CHD9: variants seen among roughly 807,000 people sequenced by gnomAD.
CHD9 encodes the protein chromodomain helicase DNA binding protein 9.
CHD9 carries 77 observed loss-of-function variants against 316.1 expected under a neutral mutation model. The observed-to-expected ratio is 0.24, with a 90% CI of 0.20 to 0.29. The LOEUF is 0.29. Among genes scored for constraint, CHD9 ranks in the 10% least tolerant of loss-of-function variants. The pLI is 1.00. For synonymous variants in CHD9, 1,129 were observed against 1,158.3 expected, an observed-to-expected ratio of 0.97 and a Z score of 0.51; for missense variants, 2,763 against 3,438.1, an observed-to-expected ratio of 0.80 and a Z score of 4.91.
rs1213931527 is a variant in CHD9 at position 53,273,676 on chromosome 16, C to T, written c.4768C>T (p.Gln1590Ter). The T allele has an allele frequency of 6.2e-7, 1 of 1,612,946 alleles. No homozygotes were observed. Among genetic ancestry groups the T allele is most frequent in the Admixed American group, 1.7e-5 (1 of 59,952 alleles). The change falls in exon 23 of 39, where the codon CAA becomes TAA. Residue 1590 changes from glutamine (Q) to a stop codon, truncating the protein, a stop_gained. Coordinates refer to ENST00000447540, the MANE Select transcript of CHD9 (RefSeq NM_001308319.2). LOFTEE classifies it high-confidence loss of function. ...RGRKGKKVKT[Q>*]TSSFDIQKAE... ...TCGAAAAGGGAAGAAAGTAAAAACT[C>T]AAACAAGCTCATTTGATATACAAAA...
rs58991789 is a variant in CHD9 at position 53,156,489 on chromosome 16, T to C, written c.400T>C (p.Ser134Pro). 1 of 1,613,978 alleles carries C rather than the reference T, an allele frequency of 6.2e-7. No homozygotes were observed. Among genetic ancestry groups the C allele is most frequent in the African/African-American group, 1.3e-5 (1 of 75,036 alleles). Residue 134 changes from serine (S) to proline (P), a missense_variant, in exon 2 of 39, where the codon TCA becomes CCA. By Grantham distance (74) the Ser-to-Pro change is moderately conservative (BLOSUM62 -1). Coordinates refer to ENST00000447540, the MANE Select transcript of CHD9 (RefSeq NM_001308319.2). ...MWGHQTATTI[S>P]NQNGSPFHQQ... ...GGGCCATCAGACAGCTACTACCATT[T>C]CAAATCAAAATGGATCTCCTTTTCA...
At chr16:53,181,889 G>C (rs900635292) in intron 2 of CHD9, among the ~76,000 whole-genome samples, 2 of 152,102 alleles carry the variant, frequency 1.3e-5, no homozygotes, top group African/African-American at 4.8e-5. Flanking sequence ...AGACCAGCCT[G>C]GCCAACATGG....
At chr16:53,204,046 A>ATATAT (rs1442183873) in intron 2 of CHD9, among the ~76,000 whole-genome samples, 71 of 89,898 alleles carry the variant, frequency 7.9e-4, no homozygotes, top group African/African-American at 2.7e-3. Context: ...AAAAAAAAAA[A>ATATAT]AAATATATAT....
At position 53,193,921 on chromosome 16, in the gene CHD9, T is replaced by C. The variant is rs574824481; in HGVS notation, c.1453-15561T>C. The stretch of plus-strand genomic sequence containing the variant: ...AAATAACTATAATATACTATAGTAA[T>C]ATTACTGTTATAAAACAAATATTAC... On this transcript the variant is annotated intron_variant, in intron 2 of 38. Coordinates refer to ENST00000447540, the MANE Select transcript of CHD9 (RefSeq NM_001308319.2). Among the ~76,000 whole-genome samples, 8 of 152,308 alleles carry C rather than the reference T, an allele frequency of 5.3e-5. No individual in the cohort carries two copies. In the South Asian group the frequency reaches 1.2e-3, roughly 24 times the overall value.
rs202116085 is a variant in CHD9 at position 53,292,853 on chromosome 16, G to T, written c.5311G>T (p.Asp1771Tyr). Residue 1771 changes from aspartate (D) to tyrosine (Y), a missense_variant, in exon 29 of 39, where the codon GAT (aspartate) becomes TAT (tyrosine). Coordinates refer to ENST00000447540, the MANE Select transcript of CHD9 (RefSeq NM_001308319.2). ...TATAGATGGTCAACTGATGGAGGGT[G>T]ATAAAGTATATTGGCCTACTCAATC... ...ADGDGQLMEG[D>Y]KVYWPTQSAL... is the part of the protein sequence containing the mutation. The T allele has an allele frequency of 4.3e-6, 7 of 1,613,612 alleles. No homozygotes were observed. In the Admixed American group the frequency reaches 1.0e-4, roughly 23 times the overall value.
At chr16:53,300,079 C>T (rs532589470) in intron 30 of CHD9, among the ~76,000 whole-genome samples, 47 of 152,338 alleles carry the variant, frequency 3.1e-4, no homozygotes, top group African/African-American at 1.1e-3. Context: ...GTGTGGCCAG[C>T]GCAGTGGCTC....
intron 2 of CHD9, among the ~76,000 whole-genome samples, chr16:53,194,750 C>T (rs147488886): frequency 1.3e-3 from 193 of 152,214 alleles, no homozygotes; most frequent in Non-Finnish European, 1.3e-3. Flanking sequence ...TTCCTGATCC[C>T]GCCTTTTCCC....
At position 53,125,218 on chromosome 16, in the gene CHD9, A is replaced by ATTTT. The variant is rs34096444; in HGVS notation, c.-164-30688_-164-30685dup. Among the ~76,000 whole-genome samples the ATTTT allele has an allele frequency of 1.5e-3, 145 of 95,766 alleles. 1 individual carries two copies. Among genetic ancestry groups the ATTTT allele is most frequent in the Non-Finnish European group, 1.9e-3 (93 of 50,266 alleles). 62.8% of individuals were successfully genotyped at this position (95,766 alleles called of 152,430 possible). A position where few individuals can be genotyped will look rare whatever the true frequency, so the allele number is the denominator to read the frequency against. On this transcript the variant is annotated intron_variant, in intron 1 of 38. Transcript: ENST00000447540. ...TTACCTTATCATGGTTCAAGTTAGG[A>ATTTT]TTTTTTTTTTTTTTTTTTTTTTTGA...
chr16:53,320,950 G>A (rs1157079699), intron 37 of CHD9, among the ~76,000 whole-genome samples: 1 of 152,120 alleles, frequency 6.6e-6, no homozygotes, highest in Admixed American at 6.5e-5. Flanking sequence ...CTGAGGCTCA[G>A]TTTCTTCGTT....
chr16:53,230,913 A>G (rs1446597650), intron 8 of CHD9, among the ~76,000 whole-genome samples: 1 of 149,932 alleles, frequency 6.7e-6, no homozygotes, highest in African/African-American at 2.5e-5. Context: ...TGGGCTATGG[A>G]GAGGAAGCTC....
chr16:53,223,223 TAGAC>T (rs1253454162), intron 4 of CHD9, among the ~76,000 whole-genome samples: 2 of 150,106 alleles, frequency 1.3e-5, no homozygotes, highest in Non-Finnish European at 3.0e-5. Flanking sequence ...TCCCGTAACA[TAGAC>T]AGAAGAAATA....
intron 28 of CHD9, among the ~76,000 whole-genome samples, chr16:53,292,511 C>G (rs965904615): frequency 1.3e-5 from 2 of 152,160 alleles, no homozygotes; most frequent in Non-Finnish European, 2.9e-5. Context: ...TATTCAGCCT[C>G]TCATGGATTC....
intron 34 of CHD9, chr16:53,311,174 CA>C (rs56041087): frequency 0.015 from 1,438 of 97,344 alleles, 7 homozygotes; most frequent in South Asian, 0.044. Flanking sequence ...AGACCTGTCT[CA>C]AAAAAAAAAA....
intron 1 of CHD9, among the ~76,000 whole-genome samples, chr16:53,065,533 G>T (rs566025462): frequency 5.3e-5 from 8 of 151,564 alleles, no homozygotes; most frequent in Non-Finnish European, 8.8e-5. Flanking sequence ...TACTTGGGAG[G>T]CTGGGTGGGA....
intron 1 of CHD9, among the ~76,000 whole-genome samples, chr16:53,081,902 T>C (rs1596912315): frequency 6.6e-6 from 1 of 152,332 alleles, no homozygotes; most frequent in East Asian, 1.9e-4. Context: ...CTTTTCCTCT[T>C]TGAGCCTCAG....
intron 12 of CHD9, among the ~76,000 whole-genome samples, chr16:53,241,452 G>T (rs527265653): frequency 9.2e-5 from 14 of 152,150 alleles, no homozygotes; most frequent in Non-Finnish European, 2.1e-4. Context: ...AAATTCCTAA[G>T]CCTGTATCAC....
intron 4 of CHD9, among the ~76,000 whole-genome samples, chr16:53,225,553 G>A (rs1334649476): frequency 6.6e-6 from 1 of 151,980 alleles, no homozygotes; most frequent in Non-Finnish European, 1.5e-5. Context: ...GGTAAGTAAA[G>A]CCATGTATAT....
intron 1 of CHD9, among the ~76,000 whole-genome samples, chr16:53,104,833 T>A (rs1321019978): frequency 6.7e-6 from 1 of 149,362 alleles, no homozygotes; most frequent in Non-Finnish European, 1.5e-5. Flanking sequence ...AAAAAAGTTA[T>A]AATGAACTTC....
intron 1 of CHD9, among the ~76,000 whole-genome samples, chr16:53,069,898 G>A (rs2033857291): frequency 7.2e-6 from 1 of 139,550 alleles, no homozygotes; most frequent in Non-Finnish European, 1.5e-5. Flanking sequence ...GTCAACGTTT[G>A]TTATTTTCTG....
Sources: allele counts gnomAD v4.1 joint callset (sites outside exome capture counted in the v4.1 genomes callset), GRCh38; gene constraint gnomAD v4.1.1; transcripts MANE v1.5; gene names NCBI Gene and HGNC (gene_info 2026-07-23, HGNC 2026-07-21).